Variants in FILIP1 observed in about 807,000 individuals in gnomAD.
FILIP1 encodes filamin A interacting protein 1.
In FILIP1, 61 loss-of-function variants were observed where a neutral mutation model predicts 102.1. The observed-to-expected ratio is 0.60, with a 90% CI of 0.49 to 0.74. The LOEUF is 0.74. Among genes scored for constraint, FILIP1 ranks in the 30% least tolerant of loss-of-function variants. The pLI, the probability that FILIP1 is intolerant of heterozygous loss-of-function variation, is 0.00. For synonymous variants in FILIP1, 491 were observed against 526.9 expected (o/e 0.93, Z 0.93); for missense variants, 1,314 against 1,441.2 (o/e 0.91, Z 1.43).
intron 4 of FILIP1, among the ~76,000 whole-genome samples, chr6:75,341,789 C>T (rs59194866): frequency 0.011 from 1,692 of 152,260 alleles, 38 homozygotes; most frequent in African/African-American, 0.039. Context: ...AATACAATAA[C>T]AGCTACCCTC....
intron 1 of FILIP1, among the ~76,000 whole-genome samples, chr6:75,436,117 A>G (rs967132518): frequency 1.5e-4 from 23 of 152,166 alleles, no homozygotes; most frequent in African/African-American, 5.6e-4. Context: ...TCATGCCTGT[A>G]ATCCCAGCAC....
intron 1 of FILIP1, among the ~76,000 whole-genome samples, chr6:75,445,365 C>T (rs966953277): frequency 1.3e-5 from 2 of 152,084 alleles, no homozygotes; most frequent in African/African-American, 4.8e-5. Flanking sequence ...CTATGTCCTA[C>T]TGATCTCTCT....
intron 2 of FILIP1, among the ~76,000 whole-genome samples, chr6:75,385,983 C>T (rs1177286046): frequency 1.3e-5 from 2 of 152,014 alleles, no homozygotes; most frequent in Non-Finnish European, 2.9e-5. Flanking sequence ...TGACCAAGAA[C>T]CACTGGCCAA....
chr6:75,360,190 C>T (rs1016819582), intron 3 of FILIP1, among the ~76,000 whole-genome samples: 2 of 152,132 alleles, frequency 1.3e-5, no homozygotes, highest in African/African-American at 4.8e-5. Context: ...CAGACATGCC[C>T]AAAATCTCTG....
chr6:75,321,751 G>A (rs1289981866), intron 4 of FILIP1, among the ~76,000 whole-genome samples: 4 of 151,476 alleles, frequency 2.6e-5, no homozygotes, highest in East Asian at 2.0e-4. Flanking sequence ...CCGAGATTGC[G>A]CCACTGCAGT....
intron 1 of FILIP1, among the ~76,000 whole-genome samples, chr6:75,457,969 AC>A: frequency 6.6e-6 from 1 of 152,280 alleles, no homozygotes; most frequent in East Asian, 1.9e-4. Flanking sequence ...ATTTTGTGCC[AC>A]CACCTCACCC....
Position 75,312,979 on chromosome 6 carries a change from T to C in FILIP1, c.2853A>G (p.Arg951=). ...CGTTTGGTGATGGAATAATGGTTAT[T>C]CTTGGTTTCTGATTCCCTAAGGTAG... ...VIPTLGNQKP[R]ITIIPSPNVM... is the part of the protein sequence containing the mutation. The change falls in exon 5 of 6, where the codon AGA becomes AGG. Residue 951 remains arginine (R), a synonymous_variant. Coordinates refer to ENST00000237172, the MANE Select transcript of FILIP1 (RefSeq NM_015687.5). 1 of 1,614,198 alleles carries C rather than the reference T, an allele frequency of 6.2e-7. No homozygotes were observed. Among genetic ancestry groups the C allele is most frequent in the Non-Finnish European group, 8.5e-7 (1 of 1,180,040 alleles).
downstream of FILIP1, among the ~76,000 whole-genome samples, chr6:75,304,661 C>T (rs541021027): frequency 2.3e-4 from 35 of 152,156 alleles, no homozygotes; most frequent in African/African-American, 7.7e-4. Context: ...AAACCTTCAA[C>T]CATCAAAACA....
chr6:75,466,488 C>T (rs756366288), intron 1 of FILIP1, among the ~76,000 whole-genome samples: 53 of 152,206 alleles, frequency 3.5e-4, no homozygotes, highest in Non-Finnish European at 4.4e-4. Context: ...TCATCAACAA[C>T]GTTATTGATT....
At chr6:75,372,331 C>CA (rs1562513823) in intron 2 of FILIP1, among the ~76,000 whole-genome samples, 3 of 143,650 alleles carry the variant, frequency 2.1e-5, no homozygotes, top group Non-Finnish European at 1.5e-5. Flanking sequence ...CATGCCATTG[C>CA]ACTCCAGCCT....
intron 1 of FILIP1, among the ~76,000 whole-genome samples, chr6:75,428,202 A>T (rs780844827): frequency 4.6e-5 from 7 of 152,132 alleles, no homozygotes; most frequent in African/African-American, 7.2e-5. Flanking sequence ...ACTTTCTTGG[A>T]AAGCCAAGCT....
Position 75,315,072 on chromosome 6 carries a change from T to C in FILIP1, c.760A>G (p.Arg254Gly), listed in dbSNP as rs1323660087. Reference sequence around the variant, plus strand: ...CCAAGTTGTTCAATGTGCATTTGTCTTTCATCCACCAGCATGAGTGCAAAG... The same window carrying C: ...CCAAGTTGTTCAATGTGCATTTGTCCTTCATCCACCAGCATGAGTGCAAAG... The part of the protein sequence containing the change: ...KSFALMLVDE[R>G]QMHIEQLGLQ... Residue 254 changes from arginine (R) to glycine (G), a missense_variant, in exon 5 of 6, where the codon AGA (arginine) becomes GGA (glycine). Coordinates refer to ENST00000237172, the MANE Select transcript of FILIP1 (RefSeq NM_015687.5). 5.0e-6 allele frequency: 8 copies of C among 1,614,168 alleles called. No individual in the cohort carries two copies. In the Admixed American group the frequency reaches 5.0e-5, roughly 10 times the overall value.
At chr6:75,433,500 C>T (rs557536363) in intron 1 of FILIP1, among the ~76,000 whole-genome samples, 1 of 152,262 alleles carries the variant, frequency 6.6e-6, no homozygotes, top group Non-Finnish European at 1.5e-5. Context: ...TGTTCATATC[C>T]TTTGCCCACT....
chr6:75,335,059 C>T (rs1054103733), intron 4 of FILIP1, among the ~76,000 whole-genome samples: 5 of 152,146 alleles, frequency 3.3e-5, no homozygotes, highest in African/African-American at 1.2e-4. Context: ...ATGGGCCTCA[C>T]TCCCGATTTC....
chr6:75,362,697 C>G, intron 3 of FILIP1, 47 bp downstream of exon 3: 1 of 1,570,754 alleles, frequency 6.4e-7, no homozygotes, highest in Non-Finnish European at 8.7e-7. Flanking sequence ...GTGAAGATAT[C>G]TCCCTGAGGT....
chr6:75,334,021 G>T (rs969937745), intron 4 of FILIP1, among the ~76,000 whole-genome samples: 16 of 152,080 alleles, frequency 1.1e-4, no homozygotes, highest in African/African-American at 3.9e-4. Context: ...ACTTTTACAA[G>T]CCTTTTCCAC....
downstream of FILIP1, among the ~76,000 whole-genome samples, chr6:75,304,654 C>A (rs1007295278): frequency 1.3e-5 from 2 of 152,136 alleles, no homozygotes; most frequent in Admixed American, 6.5e-5. Flanking sequence ...GAAGGTTAAA[C>A]CTTCAACCAT....
intron 5 of FILIP1, among the ~76,000 whole-genome samples, chr6:75,309,853 CA>C (rs1215334740): frequency 2.0e-5 from 3 of 152,202 alleles, no homozygotes; most frequent in Non-Finnish European, 4.4e-5. Flanking sequence ...TACCATAGTT[CA>C]AGCCTGCTCC....
intron 4 of FILIP1, chr6:75,334,927 A>C (rs1287529814): frequency 6.6e-6 from 1 of 152,234 alleles, no homozygotes; most frequent in African/African-American, 2.4e-5. Flanking sequence ...AAGGGAAGGC[A>C]GCTCTTAAGA....
Sources: gnomAD v4.1 joint callset for allele counts (sites outside exome capture counted in the v4.1 genomes callset) on GRCh38, gnomAD v4.1.1 for gene constraint, MANE v1.5 for transcripts, NCBI Gene and HGNC (gene_info 2026-07-23, HGNC 2026-07-21) for gene names.